SYN2: variants seen among roughly 807,000 people sequenced by gnomAD.
The protein encoded by SYN2 is synapsin-2.
Under a neutral mutation model 50.9 loss-of-function variants are expected in SYN2, and 19 were observed. That is an observed-to-expected ratio of 0.37 (90% confidence interval 0.26 to 0.55). SYN2 has a LOEUF of 0.55. Ranked by LOEUF, SYN2 falls within the 20% of genes least tolerant of loss-of-function variation. The probability of loss-of-function intolerance (pLI) is 0.81; values close to 1 mark genes in which losing one functional copy is unlikely to be tolerated. For missense variants in SYN2, 587 were observed against 576.4 expected, an observed-to-expected ratio of 1.02 and a Z score of -0.19; for synonymous variants, 255 against 224.9, an observed-to-expected ratio of 1.13 and a Z score of -1.20.
rs975890708 is a variant in SYN2 at position 12,105,902 on chromosome 3, A to G, written c.378-34749A>G. 3.3e-5 allele frequency among the ~76,000 whole-genome samples: 5 copies of G among 152,276 alleles called. No homozygotes were observed. The East Asian group carries it at 9.7e-4, about 29-fold the overall frequency. On this transcript the variant is annotated intron_variant, in intron 1 of 12. Coordinates refer to ENST00000621198, the MANE Select transcript of SYN2 (RefSeq NM_133625.6). ...CAACTCCTAGAGTGTAACACTGGAA[A>G]TGATTTGTTGTATTAGTTTTCTATT...
chr3:12,089,300 G>T (rs192875607), intron 1 of SYN2, among the ~76,000 whole-genome samples: 104 of 152,272 alleles, frequency 6.8e-4, no homozygotes, highest in African/African-American at 2.4e-3. Flanking sequence ...GAGAGAACTT[G>T]TATAGGGGAA....
At chr3:12,070,754 A>C in intron 1 of SYN2, 2 of 734,616 alleles carry the variant, frequency 2.7e-6, no homozygotes, top group African/African-American at 1.8e-5. Context: ...GCCCTCCCCC[A>C]TGCCGTCCTG....
chr3:12,152,723 A>T (rs1366091303), intron 5 of SYN2, among the ~76,000 whole-genome samples: 1 of 152,236 alleles, frequency 6.6e-6, no homozygotes, highest in Non-Finnish European at 1.5e-5. Context: ...TGTGGCTTTT[A>T]AAAAGTTCTG....
intron 4 of SYN2, among the ~76,000 whole-genome samples, chr3:12,150,897 C>T (rs918475381): frequency 6.6e-6 from 1 of 151,968 alleles, no homozygotes; most frequent in African/African-American, 2.4e-5. Context: ...ATTTTTGATC[C>T]CAGCTTCACC....
chr3:12,053,289 TG>T (rs897256569), intron 1 of SYN2, among the ~76,000 whole-genome samples: 1 of 151,692 alleles, frequency 6.6e-6, no homozygotes, highest in Non-Finnish European at 1.5e-5. Flanking sequence ...GGCATGGTGG[TG>T]GGTGCCTGTA....
chr3:12,062,675 A>C (rs747451073), intron 1 of SYN2, among the ~76,000 whole-genome samples: 1 of 152,080 alleles, frequency 6.6e-6, no homozygotes, highest in Non-Finnish European at 1.5e-5. Flanking sequence ...ACAGTTTGGC[A>C]GTTTCTTACA....
At chr3:12,111,490 G>A (rs1376973158) in intron 1 of SYN2, among the ~76,000 whole-genome samples, 1 of 152,126 alleles carries the variant, frequency 6.6e-6, no homozygotes, top group East Asian at 1.9e-4. Flanking sequence ...TCATCATCAG[G>A]ATTATCATAA....
chr3:12,025,674 G>A (rs1694242987), intron 1 of SYN2, among the ~76,000 whole-genome samples: 2 of 152,064 alleles, frequency 1.3e-5, no homozygotes, highest in South Asian at 4.2e-4. Context: ...GGTGGATGGG[G>A]GGGCTTTTCC....
chr3:12,173,313 A>G (rs943786232), intron 10 of SYN2, among the ~76,000 whole-genome samples: 1 of 152,196 alleles, frequency 6.6e-6, no homozygotes, highest in Non-Finnish European at 1.5e-5. Context: ...CATTTCAGCC[A>G]TCATGAGACC....
At chr3:12,169,702 C>A in intron 9 of SYN2, 55 bp from the exon 10 acceptor site, 1 of 1,596,520 alleles carries the variant, frequency 6.3e-7, no homozygotes, top group Admixed American at 1.7e-5. Context: ...AAGATTGTAC[C>A]AGGCCATTTA....
chr3:12,086,770 A>C (rs1695710531), intron 1 of SYN2, among the ~76,000 whole-genome samples: 1 of 152,208 alleles, frequency 6.6e-6, no homozygotes, highest in African/African-American at 2.4e-5. Context: ...TAAATGGTGA[A>C]AAGTTGAAAG....
At chr3:12,100,716 T>C (rs543344827) in intron 1 of SYN2, among the ~76,000 whole-genome samples, 1 of 152,144 alleles carries the variant, frequency 6.6e-6, no homozygotes, top group Non-Finnish European at 1.5e-5. Flanking sequence ...TTGCAAATCA[T>C]ATATCTGATA....
Position 12,060,967 on chromosome 3 carries a change from A to G in SYN2, c.377+56039A>G, listed in dbSNP as rs996363709. Reference sequence around the variant, plus strand: ...AGGACATTTAAAGTAACTACGATTAATATGGTAAACGCTCTGATGGAAAAA... The same window carrying G: ...AGGACATTTAAAGTAACTACGATTAGTATGGTAAACGCTCTGATGGAAAAA... On this transcript the variant is annotated intron_variant, in intron 1 of 12. Transcript: ENST00000621198. Among the ~76,000 whole-genome samples, 7 of 152,210 alleles carry G rather than the reference A, an allele frequency of 4.6e-5. No homozygotes were observed. In the East Asian group the frequency reaches 7.7e-4, roughly 17 times the overall value.
At chr3:12,183,725 A>G in intron 11 of SYN2, 2 of 1,205,596 alleles carry the variant, frequency 1.7e-6, no homozygotes, top group Non-Finnish European at 2.1e-6. Flanking sequence ...GTCCAGTGTG[A>G]CTTTATCTTC....
chr3:12,075,914 G>A (rs1695458043), intron 1 of SYN2, among the ~76,000 whole-genome samples: 1 of 152,108 alleles, frequency 6.6e-6, no homozygotes, highest in African/African-American at 2.4e-5. Context: ...AATATTCCTT[G>A]AATGCTTACT....
At chr3:12,081,921 A>G (rs1408791738) in intron 1 of SYN2, among the ~76,000 whole-genome samples, 3 of 152,088 alleles carry the variant, frequency 2.0e-5, no homozygotes, top group African/African-American at 7.2e-5. Flanking sequence ...CATTAACTTT[A>G]ATATTTGTTC....
intron 1 of SYN2, among the ~76,000 whole-genome samples, chr3:12,050,933 C>T (rs1694847615): frequency 6.7e-6 from 1 of 149,936 alleles, no homozygotes; most frequent in Non-Finnish European, 1.5e-5. Flanking sequence ...GACGGGGTTT[C>T]ACCTTGTTAG....
At chr3:12,184,366 G>A (rs1211755390) in intron 11 of SYN2, 6 of 985,750 alleles carry the variant, frequency 6.1e-6, no homozygotes, top group Non-Finnish European at 7.2e-6. Context: ...TGTTCCCAAA[G>A]CTTGACCTGT....
chr3:12,123,685 T>G (rs1346194029), intron 1 of SYN2, among the ~76,000 whole-genome samples: 1 of 152,092 alleles, frequency 6.6e-6, no homozygotes, highest in Non-Finnish European at 1.5e-5. Context: ...CAGTGGCTCA[T>G]GCCTGTAATC....
Sources: allele counts gnomAD v4.1 joint callset (sites outside exome capture counted in the v4.1 genomes callset), GRCh38; gene constraint gnomAD v4.1.1; transcripts MANE v1.5; gene names NCBI Gene and HGNC (gene_info 2026-07-23, HGNC 2026-07-21).